The following HOXC4 variants were observed in gnomAD, a reference collection of about 807,000 sequenced individuals.
The protein encoded by HOXC4 is homeobox protein Hox-C4.
HOXC4 carries 15 observed loss-of-function variants against 25.5 expected under a neutral mutation model. The observed-to-expected ratio is 0.59, with a 90% CI of 0.39 to 0.91. The LOEUF is 0.91. Ranked by LOEUF, HOXC4 falls within the 40% of genes least tolerant of loss-of-function variation. The pLI is 0.00. For missense variants in HOXC4, 342 were observed against 352.4 expected, an observed-to-expected ratio of 0.97 and a Z score of 0.24; for synonymous variants, 165 against 148.0, an observed-to-expected ratio of 1.11 and a Z score of -0.83.
At chr12:54,029,006 T>A in intron 1 of HOXC4, 1 of 1,304,032 alleles carries the variant, frequency 7.7e-7, no homozygotes, top group Non-Finnish European at 1.0e-6. Context: ...GCGGAGAGAG[T>A]TTTTTATGGC....
chr12:54,034,675 C>T (rs937186385), intron 1 of HOXC4: 1 of 589,924 alleles, frequency 1.7e-6, no homozygotes, highest in East Asian at 2.8e-5. Context: ...AGGGTTCCCG[C>T]GGGGCTGTCG....
At chr12:54,050,749 G>A (rs374282910), upstream of HOXC4, among the ~76,000 whole-genome samples, 5 of 152,316 alleles carry the variant, frequency 3.3e-5, no homozygotes, top group African/African-American at 1.2e-4. Context: ...TGATGTAGAT[G>A]AGTGTGGGCA....
At chr12:54,048,634 C>A (rs1168731633) in intron 1 of HOXC4, among the ~76,000 whole-genome samples, 1 of 152,136 alleles carries the variant, frequency 6.6e-6, no homozygotes, top group Non-Finnish European at 1.5e-5. Flanking sequence ...CTGTAGAATT[C>A]TCTCTCTATC....
intron 1 of HOXC4, among the ~76,000 whole-genome samples, chr12:54,043,197 G>A (rs1388731720): frequency 6.6e-6 from 1 of 152,204 alleles, no homozygotes; most frequent in African/African-American, 2.4e-5. Flanking sequence ...ACTGCTCCAG[G>A]CATGCTGGGG....
At chr12:54,020,501 G>C (rs1251357192) in intron 1 of HOXC4, 1 of 152,192 alleles carries the variant, frequency 6.6e-6, no homozygotes, top group Non-Finnish European at 1.5e-5. Context: ...ACCTTGTTGG[G>C]TTGGCTGTGT....
exon 1 of HOXC4, chr12:54,017,075 A>C (rs1036358600): frequency 2.7e-4 from 41 of 151,494 alleles, no homozygotes; most frequent in African/African-American, 9.7e-4. Context: ...ATGGGAGGGG[A>C]GAGACAGAAG....
chr12:54,023,193 C>G (rs769025067), intron 1 of HOXC4, among the ~76,000 whole-genome samples: 45 of 152,254 alleles, frequency 3.0e-4, no homozygotes, highest in Non-Finnish European at 4.4e-4. Flanking sequence ...CACCAGCCCC[C>G]AAAAAGCCAG....
At chr12:54,028,451 G>T (rs926252689) in intron 1 of HOXC4, 17 of 1,517,954 alleles carry the variant, frequency 1.1e-5, no homozygotes, top group Non-Finnish European at 1.4e-5. Context: ...TAACCATCTA[G>T]TTCCGAGTAC....
In HOXC4 at chr12:54,055,744, T is replaced by C. The variant is rs1937965775; in HGVS notation, c.*539T>C. 1 of 85,712 alleles carries C rather than the reference T, an allele frequency of 1.2e-5. No homozygotes were observed. Among genetic ancestry groups the C allele is most frequent in the Non-Finnish European group, 2.2e-5 (1 of 44,682 alleles). The allele number at this position is 85,712 out of a possible 1,614,324, so 5.3% of individuals were successfully genotyped here. A position where few individuals can be genotyped will look rare whatever the true frequency, so the allele number is the denominator to read the frequency against. On this transcript the variant is annotated 3_prime_UTR_variant, in exon 2 of 2. Coordinates refer to ENST00000430889, the MANE Select transcript of HOXC4 (RefSeq NM_153633.3). ...AAGCTATGAAGTTCTTTTGTATTAT[T>C]GTTGGGGGGGGGTGTGGGAGGAGAG...
chr12:54,036,694 G>C (rs1005441061), intron 1 of HOXC4, among the ~76,000 whole-genome samples: 7 of 151,296 alleles, frequency 4.6e-5, no homozygotes, highest in African/African-American at 1.2e-4. Flanking sequence ...CTCTCTCTCT[G>C]AAATAAAATG....
intron 1 of HOXC4, chr12:54,033,075 C>T (rs774128005): frequency 6.1e-6 from 9 of 1,482,032 alleles, no homozygotes; most frequent in Non-Finnish European, 7.4e-6. Context: ...AGTCACAAAT[C>T]ACCCTTAATC....
At chr12:54,030,238 C>T (rs1940931810) in intron 1 of HOXC4, 2 of 299,712 alleles carry the variant, frequency 6.7e-6, no homozygotes, top group South Asian at 9.2e-5. Flanking sequence ...CTTGGGGGCT[C>T]GGACCCTGAA....
chr12:54,029,935 G>C, intron 1 of HOXC4: 1 of 1,594,244 alleles, frequency 6.3e-7, no homozygotes, highest in South Asian at 1.1e-5. Flanking sequence ...AGCGGGAAGA[G>C]ACAGAAGAGG....
chr12:54,043,752 T>C (rs1484197562), intron 1 of HOXC4, among the ~76,000 whole-genome samples: 1 of 152,164 alleles, frequency 6.6e-6, no homozygotes, highest in Non-Finnish European at 1.5e-5. Context: ...TGAAGAGACA[T>C]GGAGGGTCCA....
intron 1 of HOXC4, chr12:54,029,643 C>T: frequency 3.1e-6 from 5 of 1,608,156 alleles, no homozygotes; most frequent in Non-Finnish European, 4.3e-6. Context: ...TGTTTTGTGC[C>T]CGGATCTTTA....
chr12:54,054,443 C>T, intron 1 of HOXC4, 82 bp downstream of exon 1: 1 of 906,108 alleles, frequency 1.1e-6, no homozygotes, highest in Non-Finnish European at 1.7e-6. Context: ...CTCTGGCCCC[C>T]GTCCTCCTTT....
chr12:54,029,720 C>G (rs1241116315), intron 1 of HOXC4: 1 of 1,614,192 alleles, frequency 6.2e-7, no homozygotes, highest in East Asian at 2.2e-5. Context: ...GACCCTGGAA[C>G]TGGAGAAGGA....
At chr12:54,026,004 A>G (rs1466088851) in intron 1 of HOXC4, among the ~76,000 whole-genome samples, 1 of 152,170 alleles carries the variant, frequency 6.6e-6, no homozygotes, top group Non-Finnish European at 1.5e-5. Context: ...TGAAAGTGAA[A>G]CCTCATTAAG....
intron 1 of HOXC4, chr12:54,034,057 C>T (rs1460168060): frequency 1.7e-5 from 12 of 706,040 alleles, no homozygotes; most frequent in Middle Eastern, 2.4e-4. Context: ...TCAGCCCCTC[C>T]GGCTGCAGAG....
Sources: allele counts gnomAD v4.1 joint callset (sites outside exome capture counted in the v4.1 genomes callset), GRCh38; gene constraint gnomAD v4.1.1; transcripts MANE v1.5; gene names NCBI Gene and HGNC (gene_info 2026-07-23, HGNC 2026-07-21).